Variants in PPARGC1A observed in about 807,000 individuals in gnomAD.
PPARGC1A encodes the protein PPARG coactivator 1 alpha.
PPARGC1A carries 25 observed loss-of-function variants against 88.7 expected under a neutral mutation model. That is an observed-to-expected ratio of 0.28 (90% CI 0.21 to 0.39). The LOEUF is 0.39. Among genes scored for constraint, PPARGC1A ranks in the 10% least tolerant of loss-of-function variants. The pLI is 1.00. For synonymous variants in PPARGC1A, 363 were observed against 355.6 expected, an observed-to-expected ratio of 1.02 and a Z score of -0.24; for missense variants, 880 against 968.7, an observed-to-expected ratio of 0.91 and a Z score of 1.22.
At chr4:23,922,980 T>C in the PPARGC1A span, among the ~76,000 whole-genome samples, 72 of 152,298 alleles carry the variant, frequency 4.7e-4, no homozygotes, top group African/African-American at 1.7e-3. Context: ...CTATTGCATT[T>C]TCTAGTTCTT....
chr4:24,320,929 A>G, the PPARGC1A span, among the ~76,000 whole-genome samples: 1 of 152,212 alleles, frequency 6.6e-6, no homozygotes, highest in African/African-American at 2.4e-5. Flanking sequence ...TGAAATGACT[A>G]AACTATTTTG....
chr4:24,007,760 G>A, the PPARGC1A span, among the ~76,000 whole-genome samples: 3 of 152,138 alleles, frequency 2.0e-5, no homozygotes, highest in East Asian at 5.8e-4. Context: ...GGAGGCAAAG[G>A]GGAGGTTGGG....
At chr4:23,982,190 G>A in the PPARGC1A span, among the ~76,000 whole-genome samples, 1 of 152,112 alleles carries the variant, frequency 6.6e-6, no homozygotes, top group Non-Finnish European at 1.5e-5. Context: ...GACAGGTTTA[G>A]ATACTATAGC....
the PPARGC1A span, among the ~76,000 whole-genome samples, chr4:24,310,796 G>C: frequency 9.9e-5 from 15 of 152,262 alleles, no homozygotes; most frequent in East Asian, 2.1e-3. Flanking sequence ...GATACGATGT[G>C]AATTAGTCAA....
the PPARGC1A span, among the ~76,000 whole-genome samples, chr4:24,080,493 T>C: frequency 6.6e-6 from 1 of 152,128 alleles, no homozygotes; most frequent in Non-Finnish European, 1.5e-5. Flanking sequence ...TACCTGGTAA[T>C]ATCATTTTTA....
At chr4:24,205,887 G>A in the PPARGC1A span, among the ~76,000 whole-genome samples, 316 of 152,250 alleles carry the variant, frequency 2.1e-3, no homozygotes, top group Middle Eastern at 3.4e-3. Flanking sequence ...ACAATATATG[G>A]CTAAACATAA....
chr4:24,248,066 A>G, the PPARGC1A span, among the ~76,000 whole-genome samples: 1 of 152,182 alleles, frequency 6.6e-6, no homozygotes, highest in Non-Finnish European at 1.5e-5. Context: ...GGCTGCAAAG[A>G]CTAAACAAAG....
At chr4:24,046,571 G>A in the PPARGC1A span, among the ~76,000 whole-genome samples, 2 of 152,118 alleles carry the variant, frequency 1.3e-5, no homozygotes, top group African/African-American at 4.8e-5. Context: ...AATTGCTTCA[G>A]TGACTGTCCT....
At chr4:23,932,640 GA>G in the PPARGC1A span, among the ~76,000 whole-genome samples, 1 of 151,866 alleles carries the variant, frequency 6.6e-6, no homozygotes, top group Admixed American at 6.6e-5. Context: ...GTAGCTTAAC[GA>G]ATTTTTTTTT....
At chr4:23,992,714 C>T in the PPARGC1A span, among the ~76,000 whole-genome samples, 2 of 151,926 alleles carry the variant, frequency 1.3e-5, no homozygotes, top group Non-Finnish European at 2.9e-5. Flanking sequence ...AATTTTATAC[C>T]CACTTGTATC....
At chr4:24,436,816 C>G in the PPARGC1A span, among the ~76,000 whole-genome samples, 3 of 149,554 alleles carry the variant, frequency 2.0e-5, no homozygotes, top group Non-Finnish European at 3.0e-5. Context: ...CACCCCAGAG[C>G]CCGGGTCACA....
the PPARGC1A span, among the ~76,000 whole-genome samples, chr4:24,166,299 C>A: frequency 6.6e-6 from 1 of 152,210 alleles, no homozygotes; most frequent in Non-Finnish European, 1.5e-5. Flanking sequence ...AGAAAGAAGT[C>A]ATCTCCATAA....
chr4:24,139,067 G>A, the PPARGC1A span, among the ~76,000 whole-genome samples: 1 of 152,088 alleles, frequency 6.6e-6, no homozygotes, highest in Non-Finnish European at 1.5e-5. Context: ...AATCAATGGT[G>A]GATGCAAAGT....
chr4:24,324,091 C>T, the PPARGC1A span, among the ~76,000 whole-genome samples: 41 of 152,282 alleles, frequency 2.7e-4, no homozygotes, highest in Admixed American at 9.8e-4. Context: ...ATTGCAGAGA[C>T]GCCTCTGTGA....
the PPARGC1A span, among the ~76,000 whole-genome samples, chr4:24,127,023 C>T: frequency 6.6e-6 from 1 of 152,166 alleles, no homozygotes; most frequent in South Asian, 2.1e-4. Flanking sequence ...TCAGCAGCCA[C>T]TATGCCTTCC....
At chr4:24,291,177 T>C in the PPARGC1A span, among the ~76,000 whole-genome samples, 2 of 152,286 alleles carry the variant, frequency 1.3e-5, no homozygotes, top group Admixed American at 1.3e-4. Flanking sequence ...GTGCCCAGTG[T>C]CACTCCTTTA....
chr4:23,810,032 G>A (rs1453117232), intron 10 of PPARGC1A, among the ~76,000 whole-genome samples: 3 of 152,152 alleles, frequency 2.0e-5, no homozygotes, highest in East Asian at 1.9e-4. Flanking sequence ...CAGGGACGAT[G>A]TCTTTCCTAA....
At chr4:24,344,810 G>T in the PPARGC1A span, among the ~76,000 whole-genome samples, 5 of 151,814 alleles carry the variant, frequency 3.3e-5, no homozygotes, top group Non-Finnish European at 5.9e-5. Context: ...TTGGGTTCTT[G>T]GTCATTAAAT....
the PPARGC1A span, among the ~76,000 whole-genome samples, chr4:24,248,248 C>T: frequency 9.7e-4 from 148 of 152,230 alleles, 1 homozygote; most frequent in Non-Finnish European, 1.9e-3. Flanking sequence ...CCTCAGCCTC[C>T]GAAGTAGCTG....
Sources: gnomAD v4.1 joint callset for allele counts (sites outside exome capture counted in the v4.1 genomes callset) on GRCh38, gnomAD v4.1.1 for gene constraint, MANE v1.5 for transcripts, NCBI Gene and HGNC (gene_info 2026-07-23, HGNC 2026-07-21) for gene names.